The following GLI2 variants were observed in gnomAD, a reference collection of about 807,000 sequenced individuals.
The protein encoded by GLI2 is GLI family zinc finger 2.
In GLI2, 22 loss-of-function variants were observed where a neutral mutation model predicts 78.9. The observed-to-expected ratio is 0.28, with a 90% CI of 0.20 to 0.40. The LOEUF is 0.40. Ranked by LOEUF, GLI2 falls within the 10% of genes least tolerant of loss-of-function variation. The probability of loss-of-function intolerance (pLI) is 1.00; values close to 1 mark genes in which losing one functional copy is unlikely to be tolerated. For missense variants in GLI2, 2,097 were observed against 2,213.2 expected, an observed-to-expected ratio of 0.95 and a Z score of 1.05; for synonymous variants, 974 against 963.7, an observed-to-expected ratio of 1.01 and a Z score of -0.20.
rs200924112 is a variant in GLI2 at position 120,901,562 on chromosome 2, G to T, written c.149-25799G>T. 2.6e-5 allele frequency among the ~76,000 whole-genome samples: 4 copies of T among 152,188 alleles called. No homozygotes were observed. In the East Asian group the frequency reaches 7.7e-4, roughly 29 times the overall value. ...CTGGGGAGCATGAACAGGTCCAGGG[G>T]TCTTCATAGACCACTAGGAGAAAGA... is the stretch of plus-strand genomic sequence containing the variant. On this transcript the variant is annotated intron_variant, in intron 2 of 13. Coordinates refer to ENST00000361492, the MANE Select transcript of GLI2 (RefSeq NM_001374353.1).
chr2:120,920,811 G>A, intron 2 of GLI2, among the ~76,000 whole-genome samples: 1 of 151,212 alleles, frequency 6.6e-6, no homozygotes, highest in East Asian at 1.9e-4. Flanking sequence ...CTTTGAAATG[G>A]CATACGGGGT....
chr2:120,807,536 A>G (rs1341518869), intron 2 of GLI2, among the ~76,000 whole-genome samples: 2 of 152,214 alleles, frequency 1.3e-5, no homozygotes, highest in Admixed American at 6.5e-5. Flanking sequence ...CTGAGTCTCT[A>G]TAATGAGTTA....
At position 120,990,259 on chromosome 2, in the gene GLI2, G is replaced by T. The variant is rs746213496; in HGVS notation, c.4294G>T (p.Gly1432Cys). Reference protein sequence around the residue: ...APDHSMLYYYGQIHMYEQDGG... With the variant: ...APDHSMLYYYCQIHMYEQDGG... ...GGACCACAGCATGCTCTACTACTAC[G>T]GCCAGATCCACATGTACGAACAGGA... The change falls in exon 14 of 14, where the codon GGC (glycine) becomes TGC (cysteine). Residue 1432 changes from glycine (G) to cysteine (C), a missense_variant. Physicochemically the swap from Gly to Cys is radical, Grantham distance 159. This residue lies in a region of GLI2 where 1,290 missense variants were observed against 1,261.7 expected (regional missense o/e 1.02). Coordinates refer to ENST00000361492, the MANE Select transcript of GLI2 (RefSeq NM_001374353.1). 27 of 1,613,534 alleles carry T rather than the reference G, an allele frequency of 1.7e-5. No homozygotes were observed. Among genetic ancestry groups the T allele is most frequent in the African/African-American group, 4.0e-5 (3 of 74,892 alleles).
chr2:120,756,121 AT>A (rs1214852365), intron 1 of GLI2, among the ~76,000 whole-genome samples: 1 of 152,164 alleles, frequency 6.6e-6, no homozygotes, highest in Non-Finnish European at 1.5e-5. Flanking sequence ...TGCTTTTAAG[AT>A]TTTGATTGAG....
intron 2 of GLI2, among the ~76,000 whole-genome samples, chr2:120,806,027 C>T (rs1684931214): frequency 6.6e-6 from 1 of 152,206 alleles, no homozygotes; most frequent in Admixed American, 6.5e-5. Flanking sequence ...GTTATTTACA[C>T]ACAAAATAAC....
intron 2 of GLI2, among the ~76,000 whole-genome samples, chr2:120,811,624 C>G (rs1346275793): frequency 6.6e-6 from 1 of 151,962 alleles, no homozygotes; most frequent in Non-Finnish European, 1.5e-5. Context: ...AGGAGAGGTG[C>G]AGTTGGAAAG....
chr2:120,786,027 AG>A lies in GLI2; in HGVS notation c.-30-11263del, dbSNP rs551770989. Among the ~76,000 whole-genome samples, 174 of 152,326 alleles carry A rather than the reference AG, an allele frequency of 1.1e-3. 1 individual carries two copies. The highest frequency in any genetic ancestry group is 4.2e-3 in the Admixed American group (64 of 15,308). On this transcript the variant is annotated intron_variant, in intron 1 of 13. Transcript: ENST00000361492. ...GACTCTGTCATAAGAGGGAGAAGAC[AG>A]AGGGGTTAGAAACACGTGGTCTGGG...
intron 1 of GLI2, among the ~76,000 whole-genome samples, chr2:120,750,769 G>A (rs542941317): frequency 6.6e-6 from 1 of 152,348 alleles, no homozygotes; most frequent in African/African-American, 2.4e-5. Flanking sequence ...AGCAGAGCCT[G>A]CCCTTCCCAG....
chr2:120,865,119 CGGGGCT>C (rs1375331280), intron 2 of GLI2, among the ~76,000 whole-genome samples: 1 of 152,124 alleles, frequency 6.6e-6, no homozygotes, highest in Non-Finnish European at 1.5e-5. Context: ...GGGTAGTATC[CGGGGCT>C]GGGGAGCCCG....
At chr2:120,887,567 G>T (rs1331861185) in intron 2 of GLI2, among the ~76,000 whole-genome samples, 1 of 152,212 alleles carries the variant, frequency 6.6e-6, no homozygotes, top group Non-Finnish European at 1.5e-5. Context: ...CAAAAGAGGC[G>T]GTGCACACAC....
At chr2:120,751,718 T>A (rs1682879379) in intron 1 of GLI2, among the ~76,000 whole-genome samples, 1 of 152,218 alleles carries the variant, frequency 6.6e-6, no homozygotes, top group African/African-American at 2.4e-5. Flanking sequence ...TGTTTATGTT[T>A]ATGAATACCT....
rs1403509982 is a variant in GLI2 at position 120,989,837 on chromosome 2, C to T, written c.3872C>T (p.Ala1291Val). The change falls in exon 14 of 14, where the codon GCC becomes GTC. Residue 1291 changes from alanine to valine, a missense_variant. Physicochemically the swap from Ala to Val is moderately conservative, Grantham distance 64. Coordinates refer to ENST00000361492, the MANE Select transcript of GLI2 (RefSeq NM_001374353.1). The stretch of plus-strand genomic sequence containing the variant: ...AGGGAACTTGGGGTCCCCGATTCAG[C>T]CCTGGCTGGAGTGCCACCACCTCAC... ...RHRELGVPDS[A>V]LAGVPPPHPV... 6.2e-7 allele frequency: 1 copy of T among 1,612,404 alleles called. No homozygotes were observed. The highest frequency in any genetic ancestry group is 1.7e-5 in the Admixed American group (1 of 59,970).
intron 1 of GLI2, among the ~76,000 whole-genome samples, chr2:120,768,600 C>T (rs1162168912): frequency 6.6e-6 from 1 of 152,224 alleles, no homozygotes; most frequent in African/African-American, 2.4e-5. Flanking sequence ...CTGAGCTTGT[C>T]TCCTCAACTA....
At position 120,988,999 on chromosome 2, in the gene GLI2, C is replaced by T. The variant is rs761580748; in HGVS notation, c.3034C>T (p.Pro1012Ser). The change falls in exon 14 of 14, where the codon CCT becomes TCT. Residue 1012 changes from proline (P) to serine (S), a missense_variant. This residue lies in a region of GLI2 where 1,290 missense variants were observed against 1,261.7 expected (regional missense o/e 1.02). Coordinates refer to ENST00000361492, the MANE Select transcript of GLI2 (RefSeq NM_001374353.1). ...LARGAYSPRP[P>S]SISENVAMEA... ...CCGCGGCGCCTACTCGCCCCGGCCGCCTAGCATCAGCGAGAACGTGGCGAT... is the reference window on the plus strand; with the variant it reads ...CCGCGGCGCCTACTCGCCCCGGCCGTCTAGCATCAGCGAGAACGTGGCGAT... 24 of 1,594,492 alleles carry T rather than the reference C, an allele frequency of 1.5e-5. No homozygotes were observed. Among genetic ancestry groups the T allele is most frequent in the Non-Finnish European group, 2.0e-5 (24 of 1,175,152 alleles).
chr2:120,948,799 C>T (rs957732981), intron 3 of GLI2, among the ~76,000 whole-genome samples: 1 of 152,164 alleles, frequency 6.6e-6, no homozygotes, highest in Non-Finnish European at 1.5e-5. Context: ...GAACAAGCCA[C>T]GTAGGGCCAC....
intron 2 of GLI2, among the ~76,000 whole-genome samples, chr2:120,817,097 G>A (rs952506717): frequency 1.3e-5 from 2 of 152,222 alleles, no homozygotes; most frequent in East Asian, 1.9e-4. Context: ...GACAATGAGC[G>A]AGGAAGACAA....
At chr2:120,907,527 G>A (rs1175680582) in intron 2 of GLI2, among the ~76,000 whole-genome samples, 1 of 152,168 alleles carries the variant, frequency 6.6e-6, no homozygotes, top group Non-Finnish European at 1.5e-5. Flanking sequence ...CAGGGCTTTT[G>A]CTTCTCACGT....
At chr2:120,757,311 T>C (rs1368221681) in intron 1 of GLI2, among the ~76,000 whole-genome samples, 1 of 152,202 alleles carries the variant, frequency 6.6e-6, no homozygotes, top group Non-Finnish European at 1.5e-5. Flanking sequence ...AATATTTTTG[T>C]CTTACTATAA....
intron 2 of GLI2, among the ~76,000 whole-genome samples, chr2:120,877,717 G>C (rs558753859): frequency 6.6e-6 from 1 of 152,238 alleles, no homozygotes; most frequent in East Asian, 1.9e-4. Flanking sequence ...TCTTATTGTT[G>C]AATAATATTT....
Sources: gnomAD v4.1 joint callset for allele counts (sites outside exome capture counted in the v4.1 genomes callset) on GRCh38, gnomAD v4.1.1 for gene constraint, gnomAD v4.1.1 regional missense constraint, MANE v1.5 for transcripts, NCBI Gene and HGNC (gene_info 2026-07-23, HGNC 2026-07-21) for gene names.